The following STIM1 variants were observed in gnomAD, a reference collection of about 807,000 sequenced individuals.
STIM1 encodes the protein stromal interaction molecule 1.
In STIM1, 25 loss-of-function variants were observed where a neutral mutation model predicts 74.7. That is an observed-to-expected ratio of 0.33 (90% CI 0.24 to 0.47). The LOEUF is 0.47. Ranked by LOEUF, STIM1 falls within the 20% of genes least tolerant of loss-of-function variation. The probability of loss-of-function intolerance (pLI) is 1.00; values close to 1 mark genes in which losing one functional copy is unlikely to be tolerated. For synonymous variants in STIM1, 328 were observed against 348.8 expected, an observed-to-expected ratio of 0.94 and a Z score of 0.66; for missense variants, 728 against 920.8, an observed-to-expected ratio of 0.79 and a Z score of 2.71.
rs368216529 is a variant in STIM1 at position 4,047,704 on chromosome 11, T to C, written c.386-7822T>C. On this transcript the variant is annotated intron_variant, in intron 3 of 12. Coordinates refer to ENST00000526596, the MANE Select transcript of STIM1 (RefSeq NM_001382567.1). ...TGGTAGTAGTACATGCCTGTAGTCT[T>C]AGCTACTCAGGAAGCTGAGGCAGGA... Among the ~76,000 whole-genome samples the C allele has an allele frequency of 1.7e-4, 26 of 151,554 alleles. No homozygotes were observed. The South Asian group carries it at 3.8e-3, about 22-fold the overall frequency.
intron 2 of STIM1, 41 bp downstream of exon 2, chr11:3,967,723 T>C (rs1565131073): frequency 1.2e-6 from 2 of 1,613,434 alleles, no homozygotes; most frequent in Non-Finnish European, 8.5e-7. Context: ...TTTCTTCCTG[T>C]GTGAATTAGT....
chr11:4,001,606 C>CA (rs1158239582), intron 2 of STIM1, among the ~76,000 whole-genome samples: 7 of 152,162 alleles, frequency 4.6e-5, no homozygotes, highest in Non-Finnish European at 1.0e-4. Flanking sequence ...TGGAAAGGCA[C>CA]AACCGGTACC....
At chr11:4,015,043 A>C (rs1428873700) in intron 2 of STIM1, among the ~76,000 whole-genome samples, 1 of 152,160 alleles carries the variant, frequency 6.6e-6, no homozygotes, top group African/African-American at 2.4e-5. Flanking sequence ...CATTTAGCCC[A>C]TTTACATTTA....
chr11:3,973,104 C>G (rs1016300881), intron 2 of STIM1: 37 of 424,882 alleles, frequency 8.7e-5, no homozygotes, highest in South Asian at 3.7e-4. Flanking sequence ...TCCATAGCCT[C>G]TGCTTCCTTC....
At chr11:3,967,704 T>A (rs1222201840) in intron 2 of STIM1, 22 bp downstream of exon 2, 3 of 1,613,926 alleles carry the variant, frequency 1.9e-6, no homozygotes, top group Non-Finnish European at 2.5e-6. Flanking sequence ...CATCCTGCTA[T>A]GTCTCTCTTT....
Position 4,091,164 on chromosome 11 carries a change from T to C in STIM1, c.1635-118T>C, listed in dbSNP as rs911464976. Reference sequence around the variant, plus strand: ...CCTATTTCTCTCTCCTGCCGCTCTATCCCCATTTTCCTACCCTGTCCTTGT... The same window carrying C: ...CCTATTTCTCTCTCCTGCCGCTCTACCCCCATTTTCCTACCCTGTCCTTGT... On this transcript the variant is annotated intron_variant, in intron 12 of 12. Transcript: ENST00000526596. The C allele has an allele frequency of 7.2e-6, 10 of 1,397,924 alleles. No individual in the cohort carries two copies. The African/African-American group carries it at 1.4e-4, about 20-fold the overall frequency. 86.6% of individuals were successfully genotyped at this position (1,397,924 alleles called of 1,614,324 possible). A position where few individuals can be genotyped will look rare whatever the true frequency, so the allele number is the denominator to read the frequency against.
intron 1 of STIM1, among the ~76,000 whole-genome samples, chr11:3,910,975 G>A (rs2092553355): frequency 6.6e-6 from 1 of 152,132 alleles, no homozygotes; most frequent in South Asian, 2.1e-4. Flanking sequence ...AACAGAGCGA[G>A]ACAAACAGAC....
intron 1 of STIM1, among the ~76,000 whole-genome samples, chr11:3,893,775 G>A (rs1284517631): frequency 1.3e-5 from 2 of 151,986 alleles, no homozygotes; most frequent in East Asian, 3.9e-4. Flanking sequence ...TCCTGCCTCA[G>A]CCTCCCAAGT....
chr11:3,891,215 T>C (rs2091885093), intron 1 of STIM1, among the ~76,000 whole-genome samples: 1 of 152,168 alleles, frequency 6.6e-6, no homozygotes, highest in Non-Finnish European at 1.5e-5. Flanking sequence ...AAGTAGGACT[T>C]AAACCTAATT....
intron 3 of STIM1, among the ~76,000 whole-genome samples, chr11:4,025,968 A>T (rs1264520239): frequency 1.3e-5 from 2 of 152,238 alleles, no homozygotes; most frequent in Non-Finnish European, 2.9e-5. Context: ...ACTGTGTGTT[A>T]TACCTGGTGA....
intron 1 of STIM1, among the ~76,000 whole-genome samples, chr11:3,893,749 C>G (rs529826609): frequency 6.6e-6 from 1 of 151,988 alleles, no homozygotes; most frequent in African/African-American, 2.4e-5. Flanking sequence ...CTCTGCCTCC[C>G]GGGTTCAAGT....
chr11:3,943,389 G>T (rs930195115), intron 1 of STIM1, among the ~76,000 whole-genome samples: 1 of 152,182 alleles, frequency 6.6e-6, no homozygotes, highest in South Asian at 2.1e-4. Flanking sequence ...CTGGGTTGAA[G>T]TCCTGGTTTG....
rs193237571 is a variant in STIM1, at chr11:4,076,180, T to C, written c.969+1501T>C. Among the ~76,000 whole-genome samples the C allele has an allele frequency of 6.7e-4, 102 of 152,228 alleles. 1 individual carries two copies. Among genetic ancestry groups the C allele is most frequent in the African/African-American group, 2.4e-3 (100 of 41,546 alleles). ...TTGATTTTAATGAAGTGTAATTTAA[T>C]CAGTTTTTTAAAATGATTGATGCAG... is the stretch of plus-strand genomic sequence containing the variant. On this transcript the variant is annotated intron_variant, in intron 7 of 12. Transcript: ENST00000526596.
chr11:4,027,598 A>G (rs1163236116), intron 3 of STIM1, among the ~76,000 whole-genome samples: 1 of 152,118 alleles, frequency 6.6e-6, no homozygotes, highest in Non-Finnish European at 1.5e-5. Context: ...ATAGGTGTGA[A>G]CCACCGTGCC....
At chr11:3,901,795 G>A (rs1251809302) in intron 1 of STIM1, among the ~76,000 whole-genome samples, 1 of 152,128 alleles carries the variant, frequency 6.6e-6, no homozygotes, top group Non-Finnish European at 1.5e-5. Context: ...TCGCTCTGTT[G>A]CCCAGGCTGG....
intron 1 of STIM1, among the ~76,000 whole-genome samples, chr11:3,901,377 GA>G (rs1565108077): frequency 6.6e-6 from 1 of 152,110 alleles, no homozygotes; most frequent in African/African-American, 2.4e-5. Context: ...ACCACCTATT[GA>G]CATTTTGTTA....
At chr11:3,898,162 C>G (rs1430465294) in intron 1 of STIM1, among the ~76,000 whole-genome samples, 1 of 151,402 alleles carries the variant, frequency 6.6e-6, no homozygotes, top group Non-Finnish European at 1.5e-5. Flanking sequence ...TCTCCACATC[C>G]TCTCCAGCAC....
chr11:3,895,824 CTT>C (rs765895479), intron 1 of STIM1, among the ~76,000 whole-genome samples: 1 of 72,066 alleles, frequency 1.4e-5, no homozygotes, highest in African/African-American at 1.0e-4. Context: ...TTCCTTCTTT[CTT>C]TTCTTTCTTT....
At chr11:3,899,552 T>G (rs1300103095) in intron 1 of STIM1, among the ~76,000 whole-genome samples, 2 of 150,402 alleles carry the variant, frequency 1.3e-5, no homozygotes, top group Admixed American at 6.6e-5. Flanking sequence ...TCCAACACTA[T>G]GTTGAATAGG....
Sources: gnomAD v4.1 joint callset for allele counts (sites outside exome capture counted in the v4.1 genomes callset) on GRCh38, gnomAD v4.1.1 for gene constraint, MANE v1.5 for transcripts, NCBI Gene and HGNC (gene_info 2026-07-23, HGNC 2026-07-21) for gene names.